Variants in TBC1D5 observed in about 807,000 individuals in gnomAD.
TBC1D5 encodes the protein TBC1 domain family, member 5.
A neutral mutation model predicts 100.3 loss-of-function variants in TBC1D5; 75 were observed. The ratio of observed to expected loss-of-function variants is 0.75; its 90% CI spans 0.62 to 0.91. TBC1D5 has a LOEUF of 0.91. Ranked by LOEUF, TBC1D5 falls within the 40% of genes least tolerant of loss-of-function variation. The pLI is 0.00. For synonymous variants in TBC1D5, 323 were observed against 325.6 expected (o/e 0.99, Z 0.09); for missense variants, 910 against 942.4 (o/e 0.97, Z 0.45).
chr3:17,519,576 T>G (rs936820054), intron 2 of TBC1D5, among the ~76,000 whole-genome samples: 1 of 152,204 alleles, frequency 6.6e-6, no homozygotes, highest in Non-Finnish European at 1.5e-5. Flanking sequence ...TCGACTAACT[T>G]CTATTGTGAG....
intron 1 of TBC1D5, among the ~76,000 whole-genome samples, chr3:17,682,501 G>A (rs2069632934): frequency 6.6e-6 from 1 of 151,336 alleles, no homozygotes; most frequent in Non-Finnish European, 1.5e-5. Flanking sequence ...CTTGTCACAA[G>A]AGAACTTAGT....
intron 15 of TBC1D5, among the ~76,000 whole-genome samples, chr3:17,258,976 C>CG (rs1054363889): frequency 2.0e-5 from 3 of 152,050 alleles, no homozygotes; most frequent in Non-Finnish European, 4.4e-5. Flanking sequence ...AACTGCATTT[C>CG]GGGGGAAGAG....
intron 1 of TBC1D5, among the ~76,000 whole-genome samples, chr3:17,628,660 T>A (rs1459529429): frequency 6.6e-6 from 1 of 152,224 alleles, no homozygotes; most frequent in Non-Finnish European, 1.5e-5. Flanking sequence ...GTTAAAGCTT[T>A]ATAATATATA....
chr3:17,713,427 ACAGACAGGGTTT>A, intron 1 of TBC1D5, among the ~76,000 whole-genome samples: 1 of 151,858 alleles, frequency 6.6e-6, no homozygotes, highest in Non-Finnish European at 1.5e-5. Context: ...TATTTTTAGT[ACAGACAGGGTTT>A]CACCATGTTA....
intron 1 of TBC1D5, among the ~76,000 whole-genome samples, chr3:17,710,774 T>G (rs907919878): frequency 6.6e-6 from 1 of 152,040 alleles, no homozygotes; most frequent in African/African-American, 2.4e-5. Context: ...CTCGGCTCAC[T>G]GCAACTGCCA....
At chr3:17,676,066 G>A (rs909364958) in intron 1 of TBC1D5, among the ~76,000 whole-genome samples, 10 of 151,668 alleles carry the variant, frequency 6.6e-5, no homozygotes, top group African/African-American at 2.4e-4. Context: ...TTGTCATTTA[G>A]CTTTAATATA....
intron 1 of TBC1D5, among the ~76,000 whole-genome samples, chr3:17,731,823 G>A (rs2076579490): frequency 6.6e-6 from 1 of 152,020 alleles, no homozygotes; most frequent in Non-Finnish European, 1.5e-5. Flanking sequence ...GGAGATGGTA[G>A]TGCTGAGATT....
intron 8 of TBC1D5, 33 bp from the exon 9 acceptor site, chr3:17,384,048 TAACA>T: frequency 2.0e-6 from 3 of 1,532,236 alleles, no homozygotes; most frequent in Non-Finnish European, 2.7e-6. Flanking sequence ...TGAAACTGAC[TAACA>T]CAGTTTCAAG....
At chr3:17,454,142 T>G (rs111733805) in intron 3 of TBC1D5, among the ~76,000 whole-genome samples, 6 of 152,258 alleles carry the variant, frequency 3.9e-5, no homozygotes, top group African/African-American at 1.4e-4. Context: ...AAGCCATATA[T>G]GACAGACCCA....
intron 18 of TBC1D5, among the ~76,000 whole-genome samples, chr3:17,211,388 A>C (rs1472836365): frequency 1.3e-5 from 2 of 152,234 alleles, no homozygotes; most frequent in African/African-American, 4.8e-5. Flanking sequence ...CTAGCATTTA[A>C]GTATATTCAT....
intron 2 of TBC1D5, among the ~76,000 whole-genome samples, chr3:17,592,357 G>A (rs750379517): frequency 1.9e-4 from 29 of 152,330 alleles, no homozygotes; most frequent in Middle Eastern, 3.4e-3. Context: ...AGACATTTGC[G>A]TGTCAGAGGA....
rs201623068 is a variant in TBC1D5 at position 17,472,593 on chromosome 3, A to G, written c.97+35881T>C. ...AGCACTTATCCCTATAGAACCAGAT[A>G]TATTTTACATATTAATCTTGCTTAC... is the stretch of plus-strand genomic sequence containing the variant. On this transcript the variant is annotated intron_variant, in intron 3 of 21. Coordinates refer to ENST00000253692, the Ensembl canonical transcript of TBC1D5. Among the ~76,000 whole-genome samples, 12 of 152,298 alleles carry G rather than the reference A, an allele frequency of 7.9e-5. No individual in the cohort carries two copies. The East Asian group carries it at 2.1e-3, about 27-fold the overall frequency.
At chr3:17,643,502 G>C (rs2064727523) in intron 1 of TBC1D5, among the ~76,000 whole-genome samples, 1 of 151,966 alleles carries the variant, frequency 6.6e-6, no homozygotes, top group South Asian at 2.1e-4. Context: ...AGTCTTGCCT[G>C]CAACAATTAT....
At chr3:17,300,649 G>C (rs1424859143) in intron 14 of TBC1D5, among the ~76,000 whole-genome samples, 1 of 152,170 alleles carries the variant, frequency 6.6e-6, no homozygotes, top group Non-Finnish European at 1.5e-5. Context: ...ATTGTAACAT[G>C]CTTACGCTGG....
At chr3:17,607,461 CTA>C in intron 2 of TBC1D5, among the ~76,000 whole-genome samples, 1 of 151,636 alleles carries the variant, frequency 6.6e-6, no homozygotes, top group Middle Eastern at 3.4e-3. Context: ...ACACCTGGAT[CTA>C]ACTATAAATG....
chr3:17,622,046 T>A (rs906779246), intron 2 of TBC1D5, among the ~76,000 whole-genome samples: 1 of 152,148 alleles, frequency 6.6e-6, no homozygotes. Flanking sequence ...GTCACCAACC[T>A]TTTTGGCACC....
intron 15 of TBC1D5, among the ~76,000 whole-genome samples, chr3:17,280,468 A>G (rs1341826709): frequency 6.6e-6 from 1 of 152,090 alleles, no homozygotes; most frequent in Non-Finnish European, 1.5e-5. Flanking sequence ...AAAAAACCCT[A>G]TACCCATAAA....
intron 1 of TBC1D5, among the ~76,000 whole-genome samples, chr3:17,704,043 G>A (rs1468734981): frequency 7.0e-6 from 1 of 142,792 alleles, no homozygotes; most frequent in African/African-American, 2.6e-5. Flanking sequence ...AAGGTCTCTG[G>A]TTTTCCTAGG....
intron 4 of TBC1D5, among the ~76,000 whole-genome samples, chr3:17,416,022 T>C (rs540260643): frequency 2.6e-5 from 4 of 152,344 alleles, no homozygotes; most frequent in Admixed American, 1.3e-4. Flanking sequence ...TATTTATAAA[T>C]AGACATTTAT....
Sources: allele counts gnomAD v4.1 joint callset (sites outside exome capture counted in the v4.1 genomes callset), GRCh38; gene constraint gnomAD v4.1.1; transcripts MANE v1.5; gene names NCBI Gene and HGNC (gene_info 2026-07-23, HGNC 2026-07-21).